The following ASTN2 variants were observed in gnomAD, a reference collection of about 807,000 sequenced individuals.
The protein encoded by ASTN2 is astrotactin 2, also known as astrotactin-2.
In ASTN2, 54 loss-of-function variants were observed where a neutral mutation model predicts 139.8. The observed-to-expected ratio is 0.39, with a 90% CI of 0.31 to 0.48. The LOEUF (loss-of-function observed/expected upper bound fraction) is 0.48, where lower values mean the gene tolerates loss of function less well. ASTN2 is among the 20% of genes least tolerant of loss of function. The probability of loss-of-function intolerance (pLI) is 0.95; values close to 1 mark genes in which losing one functional copy is unlikely to be tolerated. For missense variants in ASTN2, 1,565 were observed against 1,725.1 expected (o/e 0.91, Z 1.64); for synonymous variants, 756 against 719.5 (o/e 1.05, Z -0.81).
At position 116,969,081 on chromosome 9, in the gene ASTN2, C is replaced by G. The variant is rs532996797; in HGVS notation, c.1889+6127G>C. Among the ~76,000 whole-genome samples the G allele has an allele frequency of 2.6e-5, 4 of 152,178 alleles. No homozygotes were observed. In the South Asian group the frequency reaches 8.3e-4, roughly 32 times the overall value. On this transcript the variant is annotated intron_variant, in intron 10 of 22. Coordinates refer to ENST00000313400, the MANE Select transcript of ASTN2 (RefSeq NM_001365068.1). ...ATCTCAATCCAGGGGTTAAGGTGCT[C>G]CTCATTCAACCCTGGTTTCAAGGGT...
At chr9:117,264,765 C>T (rs142679554) in intron 2 of ASTN2, among the ~76,000 whole-genome samples, 118 of 152,252 alleles carry the variant, frequency 7.8e-4, no homozygotes, top group African/African-American at 2.7e-3. Flanking sequence ...TTAGGCTTAA[C>T]GTTTTTGTTT....
At chr9:116,916,868 T>C (rs573265279) in intron 10 of ASTN2, among the ~76,000 whole-genome samples, 48 of 152,160 alleles carry the variant, frequency 3.2e-4, no homozygotes, top group African/African-American at 1.1e-3. Context: ...AAAACCAATA[T>C]GAATGTAGTT....
Position 116,698,033 on chromosome 9 carries a change from G to T in ASTN2, c.2806+27738C>A, listed in dbSNP as rs1403045192. The T allele has an allele frequency of 6.2e-7, 1 of 1,613,934 alleles. No homozygotes were observed. On this transcript the variant is annotated intron_variant, in intron 16 of 22. Coordinates refer to ENST00000313400, the MANE Select transcript of ASTN2 (RefSeq NM_001365068.1). This position sits in a 1 kb window ranked among gnomAD's most constrained non-coding sequence, Gnocchi z 4.4. The stretch of plus-strand genomic sequence containing the variant: ...CTGGGCTCAGCGAGGCTGTGGGGCT[G>T]CTCATGTGTCGGTCCTGTGGGCGGC...
At chr9:117,409,965 A>G (rs1330320348) in intron 1 of ASTN2, among the ~76,000 whole-genome samples, 1 of 152,170 alleles carries the variant, frequency 6.6e-6, no homozygotes, top group Non-Finnish European at 1.5e-5. Flanking sequence ...TGCATAAAGC[A>G]GCCTTTGGGA....
chr9:116,565,427 ATATTTATTTATT>A (rs1316457639), intron 19 of ASTN2, among the ~76,000 whole-genome samples: 1 of 74,018 alleles, frequency 1.4e-5, no homozygotes, highest in Non-Finnish European at 2.6e-5. Context: ...ATATATATAT[ATATTTATTTATT>A]TATTTTGAGA....
intron 1 of ASTN2, among the ~76,000 whole-genome samples, chr9:117,346,920 G>T (rs1304136693): frequency 6.6e-6 from 1 of 152,110 alleles, no homozygotes; most frequent in Admixed American, 6.6e-5. Context: ...TACACATAAA[G>T]AAATAAGATT....
At chr9:117,016,633 T>A (rs1439291061) in intron 6 of ASTN2, among the ~76,000 whole-genome samples, 3 of 18,768 alleles carry the variant, frequency 1.6e-4, no homozygotes, top group African/African-American at 3.7e-4. Flanking sequence ...TCTATATATA[T>A]ATATATATAT....
chr9:116,788,171 T>C (rs1379045340), intron 13 of ASTN2, among the ~76,000 whole-genome samples: 1 of 151,968 alleles, frequency 6.6e-6, no homozygotes, highest in African/African-American at 2.4e-5. Flanking sequence ...GGGAAGAAGA[T>C]GAGGAATTGC....
At chr9:117,219,244 C>G in intron 2 of ASTN2, among the ~76,000 whole-genome samples, 1 of 152,140 alleles carries the variant, frequency 6.6e-6, no homozygotes, top group East Asian at 1.9e-4. Context: ...TACATACTCC[C>G]TTCTTTAACA....
chr9:117,407,544 C>T (rs921725529), intron 1 of ASTN2, among the ~76,000 whole-genome samples: 1 of 152,172 alleles, frequency 6.6e-6, no homozygotes, highest in Non-Finnish European at 1.5e-5. Flanking sequence ...AATTTCAACT[C>T]ACAGACTTGG....
At chr9:116,707,209 A>G (rs908080158) in intron 16 of ASTN2, among the ~76,000 whole-genome samples, 3 of 144,100 alleles carry the variant, frequency 2.1e-5, no homozygotes, top group Non-Finnish European at 3.0e-5. Flanking sequence ...TCCCAAAAGC[A>G]GATGGTTTAC....
At chr9:116,769,250 G>T (rs900933081) in intron 13 of ASTN2, among the ~76,000 whole-genome samples, 1 of 152,202 alleles carries the variant, frequency 6.6e-6, no homozygotes, top group Admixed American at 6.5e-5. Flanking sequence ...CTAAATAAAA[G>T]AGTTGGGATG....
At chr9:116,503,328 AGT>A (rs1347001000) in intron 19 of ASTN2, among the ~76,000 whole-genome samples, 4 of 151,888 alleles carry the variant, frequency 2.6e-5, no homozygotes, top group Non-Finnish European at 4.4e-5. Flanking sequence ...AGGGGGGGAG[AGT>A]GAGAGGGTGA....
intron 16 of ASTN2, among the ~76,000 whole-genome samples, chr9:116,672,766 C>G (rs1169581273): frequency 6.6e-6 from 1 of 152,158 alleles, no homozygotes; most frequent in Non-Finnish European, 1.5e-5. Flanking sequence ...AGAATTGTTT[C>G]AAAATATCTT....
chr9:116,824,812 T>C (rs1326811), intron 11 of ASTN2, among the ~76,000 whole-genome samples: 120,914 of 152,218 alleles, frequency 0.79, 48,222 homozygotes, highest in East Asian at 0.91. Flanking sequence ...TAGGTATTTG[T>C]AAAGAGCTTA....
At chr9:117,198,088 A>G (rs1831568716) in intron 3 of ASTN2, among the ~76,000 whole-genome samples, 1 of 151,958 alleles carries the variant, frequency 6.6e-6, no homozygotes, top group Non-Finnish European at 1.5e-5. Context: ...AGGGGGGTAC[A>G]TACACAGAAT....
intron 13 of ASTN2, among the ~76,000 whole-genome samples, chr9:116,786,630 A>G (rs1588292119): frequency 1.3e-5 from 2 of 152,234 alleles, no homozygotes; most frequent in East Asian, 1.9e-4. Context: ...AAAAGGATAG[A>G]AAAAAAACTG....
At chr9:117,195,716 C>G (rs1331255642) in intron 3 of ASTN2, among the ~76,000 whole-genome samples, 1 of 152,106 alleles carries the variant, frequency 6.6e-6, no homozygotes, top group Non-Finnish European at 1.5e-5. Flanking sequence ...AAATGCTACA[C>G]AAAGATGAAA....
chr9:117,193,703 A>G (rs10759906), intron 3 of ASTN2, among the ~76,000 whole-genome samples: 146,747 of 150,994 alleles, frequency 0.97, 71,344 homozygotes, highest in Non-Finnish European at 0.99. Context: ...TTTTCATCCT[A>G]GAGGGCCTAT....
Sources: allele counts gnomAD v4.1 joint callset (sites outside exome capture counted in the v4.1 genomes callset), GRCh38; gene constraint gnomAD v4.1.1; non-coding constraint Gnocchi (gnomAD v3.1); transcripts MANE v1.5; gene names NCBI Gene and HGNC (gene_info 2026-07-23, HGNC 2026-07-21).